Variants in TENM4 observed in about 807,000 individuals in gnomAD.
The protein encoded by TENM4 is teneurin transmembrane protein 4.
Under a neutral mutation model 243.3 loss-of-function variants are expected in TENM4, and 82 were observed. That is an observed-to-expected ratio of 0.34 (90% CI 0.28 to 0.40). The LOEUF (loss-of-function observed/expected upper bound fraction) is 0.40, where lower values mean the gene tolerates loss of function less well. TENM4 is among the 10% of genes least tolerant of loss of function. The pLI is 1.00. For synonymous variants in TENM4, 1,412 were observed against 1,456.3 expected (o/e 0.97, Z 0.69); for missense variants, 3,138 against 3,673.3 (o/e 0.85, Z 3.77).
chr11:78,732,567 C>T lies in TENM4; in HGVS notation c.2887G>A (p.Val963Met). ...ISRQDGSFDL[V>M]TNGGISIILR... Reference sequence around the variant, plus strand: ...ATGATGGAGATGCCGCCATTTGTCACCAAGTCAAAGCTGTTTGGGAGGGGA... The same window carrying T: ...ATGATGGAGATGCCGCCATTTGTCATCAAGTCAAAGCTGTTTGGGAGGGGA... Residue 963 changes from valine to methionine, a missense_variant, in exon 21 of 34, where the codon GTG (valine) becomes ATG (methionine). By Grantham distance (21) the Val-to-Met change is conservative. Transcript: ENST00000278550. The T allele has an allele frequency of 6.2e-7, 1 of 1,601,926 alleles. No homozygotes were observed. The highest frequency in any genetic ancestry group is 1.3e-5 in the African/African-American group (1 of 74,796).
chr11:79,221,384 G>T (rs751650943), intron 2 of TENM4, among the ~76,000 whole-genome samples: 2 of 151,878 alleles, frequency 1.3e-5, no homozygotes, highest in South Asian at 2.1e-4. Flanking sequence ...GATGAAGCAG[G>T]TTATTTCACT....
chr11:79,120,206 A>G (rs1243893524), intron 4 of TENM4, among the ~76,000 whole-genome samples: 2 of 152,196 alleles, frequency 1.3e-5, no homozygotes, highest in Admixed American at 1.3e-4. Context: ...CTTATAAACC[A>G]ACAGATGAGG....
intron 16 of TENM4, among the ~76,000 whole-genome samples, chr11:78,783,763 A>AACCTCTC (rs1241356919): frequency 6.6e-6 from 1 of 152,232 alleles, no homozygotes; most frequent in Non-Finnish European, 1.5e-5. Context: ...TCTGAAAACC[A>AACCTCTC]ACCTCTCTTG....
rs543447272 is a variant in TENM4, at chr11:78,998,023, C to T, written c.493+66715G>A. The stretch of plus-strand genomic sequence containing the variant: ...CTGTCTATTAGCCAGAACGTATGCC[C>T]TCACCAAAAACCAAATCTGCTGGCA... On this transcript the variant is annotated intron_variant, in intron 6 of 33. Coordinates refer to ENST00000278550, the MANE Select transcript of TENM4 (RefSeq NM_001098816.3). Among the ~76,000 whole-genome samples the T allele has an allele frequency of 4.3e-4, 65 of 152,304 alleles. 2 individuals carry two copies. The South Asian group carries it at 0.013, about 30-fold the overall frequency.
At chr11:79,234,848 T>C (rs1215653095) in intron 2 of TENM4, among the ~76,000 whole-genome samples, 1 of 152,160 alleles carries the variant, frequency 6.6e-6, no homozygotes, top group Non-Finnish European at 1.5e-5. Flanking sequence ...GGGCCCGCAG[T>C]GAGCCTTTTC....
intron 6 of TENM4, among the ~76,000 whole-genome samples, chr11:79,064,426 TG>T (rs1034427124): frequency 2.6e-5 from 4 of 152,128 alleles, no homozygotes; most frequent in African/African-American, 9.7e-5. Flanking sequence ...GGATAAACTA[TG>T]GGGAATCTGT....
chr11:79,296,958 C>T (rs534598117), intron 2 of TENM4, among the ~76,000 whole-genome samples: 11 of 152,016 alleles, frequency 7.2e-5, no homozygotes, highest in Non-Finnish European at 1.0e-4. Context: ...TGCCCAGCGC[C>T]GAGACTGGGA....
chr11:78,899,566 G>GC lies in TENM4; in HGVS notation c.749+3701_749+3702insG, dbSNP rs1341544676. Among the ~76,000 whole-genome samples the GC allele has an allele frequency of 4.7e-5, 6 of 126,512 alleles. 1 individual carries two copies. The South Asian group carries it at 1.9e-3, about 41-fold the overall frequency. The allele number at this position is 126,512 out of a possible 152,430, so 83.0% of individuals were successfully genotyped here. A position where few individuals can be genotyped will look rare whatever the true frequency, so the allele number is the denominator to read the frequency against. Reference sequence around the variant, plus strand: ...GCACTCTGTCTCAAAAAGCGGGGGGGGGGGGAAAAAGAAAAAAGAAAGAAA... The same window carrying GC: ...GCACTCTGTCTCAAAAAGCGGGGGGGCGGGGGAAAAAGAAAAAAGAAAGAAA... On this transcript the variant is annotated intron_variant, in intron 7 of 33. Coordinates refer to ENST00000278550, the MANE Select transcript of TENM4 (RefSeq NM_001098816.3).
intron 19 of TENM4, among the ~76,000 whole-genome samples, chr11:78,745,970 T>C (rs1856041970): frequency 6.6e-6 from 1 of 152,188 alleles, no homozygotes; most frequent in Non-Finnish European, 1.5e-5. Context: ...TTTATTTTTT[T>C]GAGACAGGGT....
At chr11:79,116,529 G>A (rs1176066389) in intron 4 of TENM4, among the ~76,000 whole-genome samples, 1 of 151,654 alleles carries the variant, frequency 6.6e-6, no homozygotes, top group Non-Finnish European at 1.5e-5. Flanking sequence ...AAATAGTATT[G>A]TAGCCTTACA....
At chr11:79,175,767 G>A (rs775788553) in intron 3 of TENM4, among the ~76,000 whole-genome samples, 5 of 152,126 alleles carry the variant, frequency 3.3e-5, no homozygotes, top group Non-Finnish European at 7.3e-5. Context: ...ATAATTTACT[G>A]ATGAGGAAAT....
At chr11:79,190,123 C>G (rs1863450725) in intron 3 of TENM4, among the ~76,000 whole-genome samples, 3 of 152,200 alleles carry the variant, frequency 2.0e-5, no homozygotes, top group African/African-American at 7.2e-5. Context: ...CTAACTTTAT[C>G]CCCATTACAG....
At chr11:79,104,683 T>C (rs1240185388) in intron 4 of TENM4, among the ~76,000 whole-genome samples, 5 of 152,250 alleles carry the variant, frequency 3.3e-5, no homozygotes, top group African/African-American at 9.6e-5. Context: ...TTGCTGCAAA[T>C]GCCTTTGCAT....
chr11:78,960,775 T>G (rs942441122), intron 6 of TENM4, among the ~76,000 whole-genome samples: 3 of 152,226 alleles, frequency 2.0e-5, no homozygotes, highest in African/African-American at 7.2e-5. Flanking sequence ...TCGGCTATAA[T>G]GATGTACTCC....
chr11:79,305,930 G>A (rs1009049790), intron 1 of TENM4, among the ~76,000 whole-genome samples: 1 of 152,200 alleles, frequency 6.6e-6, no homozygotes, highest in African/African-American at 2.4e-5. Flanking sequence ...TGTGGGCCTG[G>A]CTGCCTCAGA....
At chr11:78,766,423 G>A (rs1856540249) in intron 18 of TENM4, among the ~76,000 whole-genome samples, 1 of 152,056 alleles carries the variant, frequency 6.6e-6, no homozygotes. Flanking sequence ...ACCTAATAAG[G>A]GGCTTCTCAA....
chr11:79,223,859 A>G (rs868645453), intron 2 of TENM4, among the ~76,000 whole-genome samples: 1 of 152,150 alleles, frequency 6.6e-6, no homozygotes, highest in African/African-American at 2.4e-5. Flanking sequence ...TGTGACAGTC[A>G]TAGGTGCTGT....
chr11:79,213,516 T>A (rs1863990847), intron 3 of TENM4, among the ~76,000 whole-genome samples: 1 of 152,212 alleles, frequency 6.6e-6, no homozygotes, highest in South Asian at 2.1e-4. Flanking sequence ...GACTGCTCCA[T>A]CCTGCTAGAC....
At chr11:79,138,333 T>C (rs922659913) in intron 4 of TENM4, among the ~76,000 whole-genome samples, 2 of 77,016 alleles carry the variant, frequency 2.6e-5, no homozygotes, top group African/African-American at 5.4e-5. Context: ...ATATATATTA[T>C]ATATATAATA....
Sources: gnomAD v4.1 joint callset for allele counts (sites outside exome capture counted in the v4.1 genomes callset) on GRCh38, gnomAD v4.1.1 for gene constraint, MANE v1.5 for transcripts, NCBI Gene and HGNC (gene_info 2026-07-23, HGNC 2026-07-21) for gene names.